Variants in NBAS observed in about 807,000 individuals in gnomAD.
NBAS encodes NAG/BC035112 fusion.
NBAS carries 219 observed loss-of-function variants against 302.5 expected under a neutral mutation model. The ratio of observed to expected loss-of-function variants is 0.72; its 90% CI spans 0.65 to 0.81. The LOEUF (loss-of-function observed/expected upper bound fraction) is 0.81, where lower values mean the gene tolerates loss of function less well. NBAS is among the 30% of genes least tolerant of loss of function. NBAS has a pLI of 0.00. For missense variants in NBAS, 2,932 were observed against 2,841.6 expected (o/e 1.03, Z -0.72); for synonymous variants, 1,118 against 1,021.6 (o/e 1.09, Z -1.80).
chr2:15,281,668 A>G (rs1249609778), intron 42 of NBAS, among the ~76,000 whole-genome samples: 1 of 152,222 alleles, frequency 6.6e-6, no homozygotes, highest in Non-Finnish European at 1.5e-5. Context: ...TAAAGAGATA[A>G]AACAACTTGT....
the NBAS span, among the ~76,000 whole-genome samples, chr2:15,098,241 A>C: frequency 2.7e-5 from 1 of 37,164 alleles, no homozygotes; most frequent in Admixed American, 4.3e-4. Context: ...ATTGTATATA[A>C]TATATTATAT....
At chr2:15,198,401 G>A (rs911544495) in intron 48 of NBAS, among the ~76,000 whole-genome samples, 4 of 152,186 alleles carry the variant, frequency 2.6e-5, no homozygotes, top group Non-Finnish European at 5.9e-5. Flanking sequence ...TCAGGAAGGG[G>A]ACAAGGTGGC....
At chr2:15,236,951 T>A (rs371582555) in intron 45 of NBAS, among the ~76,000 whole-genome samples, 20 of 152,310 alleles carry the variant, frequency 1.3e-4, no homozygotes, top group Middle Eastern at 3.4e-3. Flanking sequence ...TTATGTCTTG[T>A]ACAAATTTTG....
chr2:14,909,146 C>T, the NBAS span, among the ~76,000 whole-genome samples: 1 of 151,916 alleles, frequency 6.6e-6, no homozygotes, highest in East Asian at 1.9e-4. Context: ...CGGTGAAACC[C>T]CGTCTCTACT....
the NBAS span, among the ~76,000 whole-genome samples, chr2:15,149,186 T>A: frequency 6.6e-6 from 1 of 152,194 alleles, no homozygotes; most frequent in South Asian, 2.1e-4. Context: ...TTAATGCTGT[T>A]ACCACAGGAG....
chr2:15,440,023 C>A (rs1678274072), intron 21 of NBAS, among the ~76,000 whole-genome samples: 1 of 152,236 alleles, frequency 6.6e-6, no homozygotes, highest in African/African-American at 2.4e-5. Flanking sequence ...CTGGGCGGAG[C>A]CCACCACAGC....
At chr2:14,823,350 G>T in the NBAS span, among the ~76,000 whole-genome samples, 1 of 152,134 alleles carries the variant, frequency 6.6e-6, no homozygotes, top group African/African-American at 2.4e-5. Flanking sequence ...CTTGACTGAA[G>T]TTTTCATTTC....
chr2:15,084,362 C>A, the NBAS span, among the ~76,000 whole-genome samples: 1 of 152,290 alleles, frequency 6.6e-6, no homozygotes, highest in African/African-American at 2.4e-5. Flanking sequence ...AGCACCTGGC[C>A]CAGTTGCTTT....
chr2:15,554,265 T>C (rs1179818639), intron 3 of NBAS, 127 bp from the exon 4 acceptor site: 2 of 833,682 alleles, frequency 2.4e-6, no homozygotes, highest in Non-Finnish European at 3.9e-6. Context: ...AATTTGAATA[T>C]TAGCAAACCC....
chr2:15,223,793 C>T (rs1385001417), intron 47 of NBAS, among the ~76,000 whole-genome samples: 1 of 150,792 alleles, frequency 6.6e-6, no homozygotes, highest in Non-Finnish European at 1.5e-5. Context: ...CGCACCACTG[C>T]ACTTCAGCCT....
At chr2:14,987,949 C>T in the NBAS span, among the ~76,000 whole-genome samples, 1 of 152,146 alleles carries the variant, frequency 6.6e-6, no homozygotes, top group African/African-American at 2.4e-5. Context: ...AGCCTCTTCT[C>T]CCTTTCCCCT....
chr2:15,263,909 C>T (rs1305716114), intron 44 of NBAS, among the ~76,000 whole-genome samples: 2 of 152,216 alleles, frequency 1.3e-5, no homozygotes, highest in African/African-American at 4.8e-5. Context: ...GGTGCCACTA[C>T]TTGATGAAGC....
At chr2:15,417,454 T>G in intron 24 of NBAS, 73 bp downstream of exon 24, 5 of 1,299,846 alleles carry the variant, frequency 3.8e-6, no homozygotes, top group Non-Finnish European at 4.3e-6. Flanking sequence ...ATCTTTGGTT[T>G]GAGACACATA....
At chr2:14,842,179 A>G in the NBAS span, among the ~76,000 whole-genome samples, 1 of 151,948 alleles carries the variant, frequency 6.6e-6, no homozygotes, top group Non-Finnish European at 1.5e-5. Flanking sequence ...GAAAACAACA[A>G]AAGTGTACTA....
intron 9 of NBAS, among the ~76,000 whole-genome samples, chr2:15,520,773 T>C (rs1044822529): frequency 1.3e-5 from 2 of 152,212 alleles, no homozygotes; most frequent in African/African-American, 4.8e-5. Context: ...AAATCTATGC[T>C]TAAAAACAGG....
At chr2:15,553,301 A>T in intron 5 of NBAS, 125 bp downstream of exon 5, 1 of 908,164 alleles carries the variant, frequency 1.1e-6, no homozygotes, top group Non-Finnish European at 1.7e-6. Context: ...TGACACTCAC[A>T]AAATTAAGTG....
At chr2:14,810,383 G>A in the NBAS span, among the ~76,000 whole-genome samples, 1 of 152,162 alleles carries the variant, frequency 6.6e-6, no homozygotes, top group South Asian at 2.1e-4. Flanking sequence ...TAGTGAATAA[G>A]TCTCACAAGA....
intron 49 of NBAS, among the ~76,000 whole-genome samples, chr2:15,187,343 T>A (rs1665137086): frequency 6.6e-6 from 1 of 152,148 alleles, no homozygotes; most frequent in Non-Finnish European, 1.5e-5. Context: ...CAATCACACA[T>A]TACTATTTAC....
chr2:15,035,269 C>T, the NBAS span, among the ~76,000 whole-genome samples: 2 of 152,036 alleles, frequency 1.3e-5, no homozygotes, highest in East Asian at 3.9e-4. Context: ...AAATCAAAAC[C>T]ACAATGAGAT....
Sources: gnomAD v4.1 joint callset for allele counts (sites outside exome capture counted in the v4.1 genomes callset) on GRCh38, gnomAD v4.1.1 for gene constraint, MANE v1.5 for transcripts, NCBI Gene and HGNC (gene_info 2026-07-23, HGNC 2026-07-21) for gene names.